The following ASB4 variants were observed in gnomAD, a reference collection of about 807,000 sequenced individuals.
ASB4 encodes ankyrin repeat and SOCS box protein 4.
A neutral mutation model predicts 38.6 loss-of-function variants in ASB4; 35 were observed. That is an observed-to-expected ratio of 0.91 (90% confidence interval 0.69 to 1.20). ASB4 has a LOEUF of 1.20. Ranked by LOEUF, ASB4 falls within the 50% of genes most tolerant of loss-of-function variation. The pLI is 0.00. For synonymous variants in ASB4, 195 were observed against 201.3 expected (o/e 0.97, Z 0.26); for missense variants, 557 against 527.2 (o/e 1.06, Z -0.55).
intron 2 of ASB4, among the ~76,000 whole-genome samples, chr7:95,499,865 C>CTTTTT (rs61250820): frequency 6.5e-5 from 5 of 77,214 alleles, no homozygotes; most frequent in African/African-American, 2.3e-4. Context: ...GATACATCCT[C>CTTTTT]TTTTTTTTTT....
chr7:95,515,232 T>TCC (rs1562817067), intron 2 of ASB4, among the ~76,000 whole-genome samples: 2 of 94,108 alleles, frequency 2.1e-5, no homozygotes, highest in South Asian at 3.4e-4. Context: ...TTTCTTTCTT[T>TCC]TTCTTTCTTT....
chr7:95,480,615 A>C (rs111427892), intron 1 of ASB4, among the ~76,000 whole-genome samples: 154 of 152,340 alleles, frequency 1.0e-3, no homozygotes, highest in African/African-American at 3.5e-3. Context: ...CTACATGGAC[A>C]CAAACCACAT....
intron 4 of ASB4, among the ~76,000 whole-genome samples, chr7:95,536,883 A>G (rs1409608557): frequency 1.3e-5 from 2 of 152,208 alleles, no homozygotes; most frequent in African/African-American, 4.8e-5. Flanking sequence ...AGAATATTAA[A>G]GCGTTTTGTG....
chr7:95,511,849 T>G (rs1049005076), intron 2 of ASB4, among the ~76,000 whole-genome samples: 17 of 152,170 alleles, frequency 1.1e-4, no homozygotes, highest in African/African-American at 4.1e-4. Flanking sequence ...TGCAGTGACC[T>G]CAATACAGAG....
At chr7:95,527,769 C>G (rs1790758738) in intron 2 of ASB4, 44 bp from the exon 3 acceptor site, 1 of 1,530,742 alleles carries the variant, frequency 6.5e-7, no homozygotes, top group East Asian at 2.3e-5. Flanking sequence ...GGAATAATGA[C>G]AAAACATGTT....
Position 95,511,671 on chromosome 7 carries a change from A to AAAAT in ASB4, c.487+15626_487+15629dup, listed in dbSNP as rs770121998. Among the ~76,000 whole-genome samples, 17 of 152,190 alleles carry AAAAT rather than the reference A, an allele frequency of 1.1e-4. No homozygotes were observed. The East Asian group carries it at 3.1e-3, about 28-fold the overall frequency. On this transcript the variant is annotated intron_variant, in intron 2 of 4. Coordinates refer to ENST00000325885, the MANE Select transcript of ASB4 (RefSeq NM_016116.3). The stretch of plus-strand genomic sequence containing the variant: ...GAGCAAAACTCCGTCTCAAAAAAAA[A>AAAAT]AAATAAATAAATAAAAATAACAACA...
rs565546567 is a variant in ASB4 at position 95,522,064 on chromosome 7, T to C, written c.488-5749T>C. On this transcript the variant is annotated intron_variant, in intron 2 of 4. Transcript: ENST00000325885. ...TTCTCTATGTTTGACTATTTCATAATTCATTAAAGTCTTAGATTTGGTGCT... is the reference window on the plus strand; with the variant it reads ...TTCTCTATGTTTGACTATTTCATAACTCATTAAAGTCTTAGATTTGGTGCT... 1.2e-3 allele frequency among the ~76,000 whole-genome samples: 188 copies of C among 152,306 alleles called. 2 individuals are homozygous for C. Among genetic ancestry groups the C allele is most frequent in the African/African-American group, 4.3e-3 (180 of 41,590 alleles).
At chr7:95,483,242 G>T (rs997996613), upstream of ASB4, among the ~76,000 whole-genome samples, 3 of 152,154 alleles carry the variant, frequency 2.0e-5, no homozygotes, top group South Asian at 4.1e-4. Context: ...CTCGTAAGCT[G>T]CACTCTTACT....
chr7:95,510,194 C>T (rs539623278), intron 2 of ASB4, among the ~76,000 whole-genome samples: 3 of 152,128 alleles, frequency 2.0e-5, no homozygotes, highest in African/African-American at 4.8e-5. Context: ...GAAAAACTGT[C>T]GATGTTTCTT....
At chr7:95,495,228 A>G (rs183358829) in intron 1 of ASB4, among the ~76,000 whole-genome samples, 12 of 152,320 alleles carry the variant, frequency 7.9e-5, no homozygotes, top group Admixed American at 7.8e-4. Flanking sequence ...AAAATCTTGG[A>G]GTGATAATTT....
intron 1 of ASB4, among the ~76,000 whole-genome samples, chr7:95,486,399 A>G (rs1377257705): frequency 6.6e-6 from 1 of 152,168 alleles, no homozygotes; most frequent in Non-Finnish European, 1.5e-5. Flanking sequence ...GAAATCCCAG[A>G]CAATCATTTT....
chr7:95,485,825 T>C (rs1790080333), upstream of ASB4: 1 of 625,576 alleles, frequency 1.6e-6, no homozygotes, highest in African/African-American at 1.8e-5. Flanking sequence ...ATTTTGAAGT[T>C]TGAAATGATC....
the ASB4 span, among the ~76,000 whole-genome samples, chr7:95,551,246 G>A: frequency 1.3e-5 from 2 of 152,120 alleles, no homozygotes; most frequent in Non-Finnish European, 2.9e-5. Flanking sequence ...CTCCCTAAAT[G>A]CTGGGATTAC....
upstream of ASB4, among the ~76,000 whole-genome samples, chr7:95,483,276 A>T (rs1420895152): frequency 6.6e-6 from 1 of 152,180 alleles, no homozygotes; most frequent in Non-Finnish European, 1.5e-5. Flanking sequence ...CACTTGATAC[A>T]CGTGGTCTGG....
intron 2 of ASB4, among the ~76,000 whole-genome samples, chr7:95,515,325 C>CT (rs1790564286): frequency 1.6e-5 from 2 of 125,334 alleles, no homozygotes; most frequent in Non-Finnish European, 3.4e-5. Context: ...TTCTTCCTTC[C>CT]TTCCTTCCTT....
At chr7:95,529,218 T>C (rs1790787066) in intron 3 of ASB4, among the ~76,000 whole-genome samples, 1 of 152,230 alleles carries the variant, frequency 6.6e-6, no homozygotes, top group Admixed American at 6.5e-5. Flanking sequence ...TTATAGCTAG[T>C]AATTAATTTG....
chr7:95,533,347 G>A (rs576000664), intron 3 of ASB4, among the ~76,000 whole-genome samples: 7 of 152,274 alleles, frequency 4.6e-5, no homozygotes, highest in African/African-American at 1.7e-4. Context: ...ACACTAAAAA[G>A]GGAAAATTAC....
chr7:95,490,005 T>C (rs1790149092), intron 1 of ASB4, among the ~76,000 whole-genome samples: 1 of 152,238 alleles, frequency 6.6e-6, no homozygotes, highest in South Asian at 2.1e-4. Flanking sequence ...TTCATACTTA[T>C]CTCTTTGGTA....
chr7:95,474,614 T>C (rs147719163), upstream of ASB4, among the ~76,000 whole-genome samples: 1 of 152,162 alleles, frequency 6.6e-6, no homozygotes, highest in South Asian at 2.1e-4. Flanking sequence ...CTTAACCTCC[T>C]GGGCTCAAGC....
Sources: gnomAD v4.1 joint callset for allele counts (sites outside exome capture counted in the v4.1 genomes callset) on GRCh38, gnomAD v4.1.1 for gene constraint, MANE v1.5 for transcripts, NCBI Gene and HGNC (gene_info 2026-07-23, HGNC 2026-07-21) for gene names.